ADAMTSL1: variants seen among roughly 807,000 people sequenced by gnomAD.
ADAMTSL1 encodes ADAMTS like 1.
ADAMTSL1 carries 126 observed loss-of-function variants against 201.8 expected under a neutral mutation model. That is an observed-to-expected ratio of 0.62 (90% CI 0.54 to 0.72). ADAMTSL1 has a LOEUF of 0.72. ADAMTSL1 is among the 30% of genes least tolerant of loss of function. The probability of loss-of-function intolerance (pLI) is 0.00; values close to 1 mark genes in which losing one functional copy is unlikely to be tolerated. For missense variants in ADAMTSL1, 2,679 were observed against 2,277.8 expected, an observed-to-expected ratio of 1.18 and a Z score of -3.59; for synonymous variants, 1,121 against 903.4, an observed-to-expected ratio of 1.24 and a Z score of -4.32.
chr9:18,289,325 T>C (rs1204763823), intron 2 of ADAMTSL1, among the ~76,000 whole-genome samples: 2 of 152,210 alleles, frequency 1.3e-5, no homozygotes, highest in Non-Finnish European at 2.9e-5. Context: ...AGTCTGAGTT[T>C]GGAGGGCTAA....
intron 5 of ADAMTSL1, among the ~76,000 whole-genome samples, chr9:18,626,427 G>GA (rs1448743610): frequency 3.3e-5 from 5 of 152,180 alleles, no homozygotes; most frequent in African/African-American, 1.2e-4. Context: ...TCAGGGAGAA[G>GA]AAAATTCTAG....
chr9:18,190,094 A>G (rs543138312), intron 2 of ADAMTSL1, among the ~76,000 whole-genome samples: 40 of 152,354 alleles, frequency 2.6e-4, no homozygotes, highest in South Asian at 1.9e-3. Context: ...CCAGCACTGC[A>G]CATTGCATAA....
At chr9:18,374,963 T>A (rs1220070815) in intron 2 of ADAMTSL1, among the ~76,000 whole-genome samples, 1 of 152,248 alleles carries the variant, frequency 6.6e-6, no homozygotes, top group East Asian at 1.9e-4. Context: ...ATTTGAATAC[T>A]CTAGATACCT....
intron 23 of ADAMTSL1, among the ~76,000 whole-genome samples, chr9:18,883,595 G>A (rs1017834328): frequency 6.6e-6 from 1 of 152,106 alleles, no homozygotes; most frequent in Non-Finnish European, 1.5e-5. Flanking sequence ...CCCAGCCTCT[G>A]GTAGCCACTA....
chr9:18,161,513 T>C (rs1450466250), intron 1 of ADAMTSL1, among the ~76,000 whole-genome samples: 1 of 152,076 alleles, frequency 6.6e-6, no homozygotes, highest in African/African-American at 2.4e-5. Flanking sequence ...CATACATTAG[T>C]CCTTTCAAAA....
chr9:18,046,737 C>G (rs1322193193), intron 1 of ADAMTSL1, among the ~76,000 whole-genome samples: 3 of 152,072 alleles, frequency 2.0e-5, no homozygotes, highest in East Asian at 1.9e-4. Context: ...ACATTTTATC[C>G]TATGTAATCT....
intron 2 of ADAMTSL1, among the ~76,000 whole-genome samples, chr9:18,279,827 G>A (rs1303404009): frequency 6.6e-6 from 1 of 152,192 alleles, no homozygotes; most frequent in Non-Finnish European, 1.5e-5. Context: ...GCACTAGGGT[G>A]GGCCAGCCTG....
intron 9 of ADAMTSL1, among the ~76,000 whole-genome samples, chr9:18,672,986 G>A (rs1829919180): frequency 6.6e-6 from 1 of 152,106 alleles, no homozygotes. Flanking sequence ...TGTGCCTGGT[G>A]GTCAGCATAA....
intron 1 of ADAMTSL1, among the ~76,000 whole-genome samples, chr9:18,138,250 A>G (rs1826243170): frequency 7.0e-6 from 1 of 143,612 alleles, no homozygotes; most frequent in African/African-American, 2.5e-5. Flanking sequence ...TATTATAATT[A>G]TTATACTTTT....
rs1334679180 is a variant in ADAMTSL1, at chr9:18,815,745, A to G, written c.3806-1364A>G. ...AAAAAAAAAAAAAAAAGAGAAAAAA[A>G]AAAGAAATCCTGTTATTTGCAGCAA... is the stretch of plus-strand genomic sequence containing the variant. On this transcript the variant is annotated intron_variant, in intron 20 of 28. Transcript: ENST00000380548. 4.6e-5 allele frequency among the ~76,000 whole-genome samples: 7 copies of G among 151,666 alleles called. No individual in the cohort carries two copies. The East Asian group carries it at 1.4e-3, about 29-fold the overall frequency.
At chr9:18,444,828 C>T (rs925037522) in intron 2 of ADAMTSL1, among the ~76,000 whole-genome samples, 1 of 152,066 alleles carries the variant, frequency 6.6e-6, no homozygotes, top group Non-Finnish European at 1.5e-5. Flanking sequence ...TATTAAAAGA[C>T]ATATGTCTAT....
At chr9:18,478,989 G>A (rs1212686698) in intron 1 of ADAMTSL1, among the ~76,000 whole-genome samples, 1 of 152,152 alleles carries the variant, frequency 6.6e-6, no homozygotes, top group Non-Finnish European at 1.5e-5. Context: ...CTCATGAGCG[G>A]CTTAGGACTG....
intron 2 of ADAMTSL1, among the ~76,000 whole-genome samples, chr9:18,169,764 AT>A (rs1180709132): frequency 6.6e-6 from 1 of 152,102 alleles, no homozygotes; most frequent in Admixed American, 6.6e-5. Flanking sequence ...TGAGCATGGA[AT>A]GTTCTTCCAT....
intron 3 of ADAMTSL1, among the ~76,000 whole-genome samples, chr9:18,562,007 T>G (rs1038786859): frequency 3.3e-5 from 5 of 152,206 alleles, no homozygotes; most frequent in African/African-American, 4.8e-5. Flanking sequence ...AATTGGGGCA[T>G]TTAGTCCATT....
chr9:18,318,642 T>C (rs1834501724), intron 2 of ADAMTSL1, among the ~76,000 whole-genome samples: 1 of 152,070 alleles, frequency 6.6e-6, no homozygotes, highest in Admixed American at 6.6e-5. Flanking sequence ...GTGTATCACA[T>C]CTCCAAGGAG....
chr9:18,361,752 C>T lies in ADAMTSL1; in HGVS notation c.208-143077C>T, dbSNP rs188736766. 3.2e-4 allele frequency among the ~76,000 whole-genome samples: 48 copies of T among 152,230 alleles called. No individual in the cohort carries two copies. In the East Asian group the frequency reaches 3.3e-3, roughly 10 times the overall value. ...ATTTTTGTGAGCAAATAAAAATCTC[C>T]GGAGACTTTGTAGCTTAGTGAATAA... On this transcript the variant is annotated intron_variant, in intron 2 of 29. Transcript: ENST00000680146.
chr9:18,367,006 A>G (rs1413488008), intron 2 of ADAMTSL1, among the ~76,000 whole-genome samples: 1 of 152,054 alleles, frequency 6.6e-6, no homozygotes, highest in African/African-American at 2.4e-5. Flanking sequence ...AGGCAAATTC[A>G]TTTCCCCTCC....
chr9:18,448,806 G>C (rs1367334450), intron 2 of ADAMTSL1, among the ~76,000 whole-genome samples: 1 of 151,876 alleles, frequency 6.6e-6, no homozygotes, highest in Non-Finnish European at 1.5e-5. Flanking sequence ...ATACCTTACT[G>C]CAAAAAATAT....
At chr9:18,509,602 C>A (rs1817912991) in intron 2 of ADAMTSL1, among the ~76,000 whole-genome samples, 1 of 152,224 alleles carries the variant, frequency 6.6e-6, no homozygotes, top group Non-Finnish European at 1.5e-5. Flanking sequence ...TTCTGCTCCA[C>A]AAGTTCCTTA....
Sources: allele counts gnomAD v4.1 joint callset (sites outside exome capture counted in the v4.1 genomes callset), GRCh38; gene constraint gnomAD v4.1.1; transcripts MANE v1.5; gene names NCBI Gene and HGNC (gene_info 2026-07-23, HGNC 2026-07-21).